ABLIM1: variants seen among roughly 807,000 people sequenced by gnomAD.
ABLIM1 encodes the protein actin binding LIM protein 1, also known as actin-binding LIM protein 1.
A neutral mutation model predicts 107.0 loss-of-function variants in ABLIM1; 40 were observed. The ratio of observed to expected loss-of-function variants is 0.37; its 90% CI spans 0.29 to 0.49. ABLIM1 has a LOEUF of 0.49. Among genes scored for constraint, ABLIM1 ranks in the 20% least tolerant of loss-of-function variants. ABLIM1 has a pLI of 0.97. For missense variants in ABLIM1, 857 were observed against 1,008.5 expected, an observed-to-expected ratio of 0.85 and a Z score of 2.04; for synonymous variants, 357 against 357.3, an observed-to-expected ratio of 1.00 and a Z score of 0.01.
chr10:114,540,167 G>A (rs573436514), intron 6 of ABLIM1, among the ~76,000 whole-genome samples: 1 of 152,286 alleles, frequency 6.6e-6, no homozygotes, highest in South Asian at 2.1e-4. Context: ...GCTCTATGCT[G>A]AGTGTTACGT....
chr10:114,574,546 T>A (rs555785084), intron 3 of ABLIM1, among the ~76,000 whole-genome samples: 1 of 152,074 alleles, frequency 6.6e-6, no homozygotes, highest in African/African-American at 2.4e-5. Context: ...TTCAAGCCAT[T>A]CTCCTGCCTC....
intron 8 of ABLIM1, among the ~76,000 whole-genome samples, chr10:114,478,766 G>A (rs1006385668): frequency 8.5e-5 from 13 of 152,212 alleles, no homozygotes; most frequent in Non-Finnish European, 1.5e-4. Flanking sequence ...TTGGAGATTC[G>A]GAAACTGCTT....
intron 18 of ABLIM1, among the ~76,000 whole-genome samples, chr10:114,441,520 T>G (rs1393318048): frequency 1.3e-5 from 2 of 152,226 alleles, no homozygotes; most frequent in African/African-American, 2.4e-5. Context: ...TTATCTAAAG[T>G]TAATTTCTTC....
intron 11 of ABLIM1, among the ~76,000 whole-genome samples, chr10:114,466,396 C>T (rs185537476): frequency 1.3e-5 from 2 of 152,154 alleles, no homozygotes; most frequent in East Asian, 3.9e-4. Context: ...TTCCAATGAC[C>T]ATGCTGACAT....
intron 1 of ABLIM1, among the ~76,000 whole-genome samples, chr10:114,603,096 T>G (rs547069465): frequency 1.3e-5 from 2 of 152,302 alleles, no homozygotes; most frequent in South Asian, 4.1e-4. Context: ...ACAAGAACAT[T>G]GAACCTAAAA....
At chr10:114,528,309 A>AT (rs1228140777) in intron 6 of ABLIM1, among the ~76,000 whole-genome samples, 1 of 152,098 alleles carries the variant, frequency 6.6e-6, no homozygotes, top group Admixed American at 6.6e-5. Flanking sequence ...GATTTACGAA[A>AT]TTTTTTAGGG....
intron 19 of ABLIM1, chr10:114,440,780 G>C (rs1038413865): frequency 3.2e-6 from 2 of 622,982 alleles, no homozygotes; most frequent in African/African-American, 3.6e-5. Flanking sequence ...CTGATAGAGT[G>C]CTCAGCACAT....
chr10:114,469,596 T>C (rs1167575409), intron 10 of ABLIM1, among the ~76,000 whole-genome samples: 4 of 152,246 alleles, frequency 2.6e-5, no homozygotes, highest in Non-Finnish European at 5.9e-5. Context: ...CCTGGTACGC[T>C]TTCTCTTTAC....
intron 6 of ABLIM1, among the ~76,000 whole-genome samples, chr10:114,497,582 T>G (rs1329424592): frequency 2.0e-5 from 3 of 148,914 alleles, no homozygotes; most frequent in Non-Finnish European, 4.4e-5. Context: ...CTTGGGAGGC[T>G]GAGGCAGGAG....
In ABLIM1 at chr10:114,438,095, G is replaced by A. The variant is rs147832041; in HGVS notation, c.2143-171C>T. On this transcript the variant is annotated intron_variant, in intron 21 of 22. Coordinates refer to ENST00000533213, the MANE Select transcript of ABLIM1 (RefSeq NM_002313.7). ...GCCAGTGGAAGCTCCAGTTTCCAGG[G>A]GACAGGGACAGAATCTTAGACATTC... 1.9e-3 allele frequency among the ~76,000 whole-genome samples: 296 copies of A among 152,206 alleles called. 1 individual carries two copies. Among genetic ancestry groups the A allele is most frequent in the Admixed American group, 3.4e-3 (52 of 15,284 alleles).
chr10:114,472,799 T>C (rs1004893717), intron 10 of ABLIM1, among the ~76,000 whole-genome samples, 178 bp downstream of exon 10: 1 of 151,802 alleles, frequency 6.6e-6, no homozygotes, highest in African/African-American at 2.4e-5. Flanking sequence ...ATTGTTCTGT[T>C]CTCCCACTTC....
At position 114,641,247 on chromosome 10, in the gene ABLIM1, TAAAAAAAA is replaced by T. The variant is rs35168530; in HGVS notation, c.244+16702_244+16709del. Among the ~76,000 whole-genome samples the T allele has an allele frequency of 5.5e-3, 204 of 37,084 alleles. 1 individual carries two copies. The highest frequency in any genetic ancestry group is 0.016 in the African/African-American group (195 of 11,838). 24.3% of individuals were successfully genotyped at this position (37,084 alleles called of 152,430 possible). On this transcript the variant is annotated intron_variant, in intron 1 of 22. Transcript: ENST00000533213. ...GAGAAAGTCACTGTGAAGCCAATCA[TAAAAAAAA>T]AAAAAAAAAAAAAAAAAAAAGTGGA... is the stretch of plus-strand genomic sequence containing the variant.
upstream of ABLIM1, among the ~76,000 whole-genome samples, chr10:114,660,772 G>A (rs1297706796): frequency 6.6e-6 from 1 of 152,188 alleles, no homozygotes; most frequent in Non-Finnish European, 1.5e-5. Context: ...TTTATATAGA[G>A]GAACATGATA....
At chr10:114,784,379 A>G in the ABLIM1 span, among the ~76,000 whole-genome samples, 916 of 124,734 alleles carry the variant, frequency 7.3e-3, 21 homozygotes, top group African/African-American at 0.026. Flanking sequence ...GAAAGAAAGA[A>G]ATGGGCCGGG....
Position 114,433,131 on chromosome 10 carries a change from C to T in ABLIM1, c.*3129G>A, listed in dbSNP as rs1057145. ...TCCCAAATGTAGCCCTTTACATCGGCACCAGGGAAGCCTGCCATATATACA... is the reference window on the plus strand; with the variant it reads ...TCCCAAATGTAGCCCTTTACATCGGTACCAGGGAAGCCTGCCATATATACA... On this transcript the variant is annotated 3_prime_UTR_variant, in exon 23 of 23. Transcript: ENST00000533213. 6.6e-6 allele frequency: 1 copy of T among 152,192 alleles called. No homozygotes were observed. Among genetic ancestry groups the T allele is most frequent in the African/African-American group, 2.4e-5 (1 of 41,432 alleles). 9.4% of individuals were successfully genotyped at this position (152,192 alleles called of 1,614,324 possible). A position where few individuals can be genotyped will look rare whatever the true frequency, so the allele number is the denominator to read the frequency against.
intron 1 of ABLIM1, among the ~76,000 whole-genome samples, chr10:114,618,153 G>A (rs1456787834): frequency 6.6e-6 from 1 of 151,984 alleles, no homozygotes; most frequent in Non-Finnish European, 1.5e-5. Flanking sequence ...TTACCAATAG[G>A]CCTACACCAC....
chr10:114,643,220 A>C (rs2078829812), intron 1 of ABLIM1, among the ~76,000 whole-genome samples: 1 of 152,236 alleles, frequency 6.6e-6, no homozygotes, highest in African/African-American at 2.4e-5. Flanking sequence ...GAATATGGAA[A>C]TGTTTTGAGC....
At chr10:114,655,551 G>A (rs2079462302) in intron 1 of ABLIM1, among the ~76,000 whole-genome samples, 1 of 152,180 alleles carries the variant, frequency 6.6e-6, no homozygotes, top group Non-Finnish European at 1.5e-5. Context: ...GTTAGCTCCA[G>A]CAGAAATCTA....
rs147050862 is a variant in ABLIM1 at position 114,667,766 on chromosome 10, T to C, written c.64+16524A>G. Reference sequence around the variant, plus strand: ...ACTTCATATAAATAGAACCATCCAGTATGTGCCCTTTCACCCCAGCTTCTT... The same window carrying C: ...ACTTCATATAAATAGAACCATCCAGCATGTGCCCTTTCACCCCAGCTTCTT... On this transcript the variant is annotated intron_variant, in intron 1 of 23. Transcript: ENST00000369256. 4.9e-3 allele frequency among the ~76,000 whole-genome samples: 741 copies of C among 152,306 alleles called. 2 individuals carry two copies. The highest frequency in any genetic ancestry group is 9.6e-3 in the African/African-American group (399 of 41,564).
Sources: gnomAD v4.1 joint callset for allele counts (sites outside exome capture counted in the v4.1 genomes callset) on GRCh38, gnomAD v4.1.1 for gene constraint, MANE v1.5 for transcripts, NCBI Gene and HGNC (gene_info 2026-07-23, HGNC 2026-07-21) for gene names.